The following PC variants were observed in gnomAD, a reference collection of about 807,000 sequenced individuals.
The protein encoded by PC is pyruvate carboxylase, mitochondrial.
PC carries 46 observed loss-of-function variants against 107.8 expected under a neutral mutation model. The observed-to-expected ratio is 0.43, with a 90% CI of 0.34 to 0.55. PC has a LOEUF of 0.55. Ranked by LOEUF, PC falls within the 20% of genes least tolerant of loss-of-function variation. The pLI, the probability that PC is intolerant of heterozygous loss-of-function variation, is 0.04. For missense variants in PC, 1,241 were observed against 1,643.1 expected (o/e 0.76, Z 4.23); for synonymous variants, 662 against 684.7 (o/e 0.97, Z 0.52).
chr11:66,927,662 G>A (rs1318547378), intron 3 of PC, among the ~76,000 whole-genome samples: 2 of 151,634 alleles, frequency 1.3e-5, no homozygotes, highest in African/African-American at 2.4e-5. Context: ...GGCAGTGGTT[G>A]CAGTGAGCTG....
At chr11:66,946,847 T>C (rs1478020458) in intron 3 of PC, among the ~76,000 whole-genome samples, 1 of 152,118 alleles carries the variant, frequency 6.6e-6, no homozygotes, top group Non-Finnish European at 1.5e-5. Flanking sequence ...CATAGAAATT[T>C]TACTAAGTTT....
In PC at chr11:66,849,698, G is replaced by A. The variant is rs1439546768; in HGVS notation, c.3060C>T (p.Phe1020=). The change falls in exon 21 of 23, where the codon TTC becomes TTT. Residue 1020 remains phenylalanine, a synonymous_variant. Coordinates refer to ENST00000393960, the MANE Select transcript of PC (RefSeq NM_001040716.2). Reference sequence around the variant, plus strand: ...GGCCAAAGGTGGCAGTGAAGTCCTTGAAGTGGGCAAACACATCGGGGTACA... The same window carrying A: ...GGCCAAAGGTGGCAGTGAAGTCCTTAAAGTGGGCAAACACATCGGGGTACA... The part of the protein sequence containing the change: ...AAMYPDVFAH[F]KDFTATFGPL... 6.2e-7 allele frequency: 1 copy of A among 1,614,208 alleles called. No individual in the cohort carries two copies.
intron 3 of PC, among the ~76,000 whole-genome samples, chr11:66,877,566 T>C (rs1370964301): frequency 6.6e-6 from 1 of 152,222 alleles, no homozygotes; most frequent in African/African-American, 2.4e-5. Context: ...TGGCGGGTTA[T>C]GCCCCTGAGC....
intron 3 of PC, among the ~76,000 whole-genome samples, chr11:66,948,614 C>A (rs1467842021): frequency 6.6e-6 from 1 of 152,156 alleles, no homozygotes; most frequent in East Asian, 1.9e-4. Flanking sequence ...CCAAGGCGGG[C>A]TGATTGCTTG....
intron 12 of PC, among the ~76,000 whole-genome samples, chr11:66,855,762 C>A (rs917003525): frequency 1.3e-5 from 2 of 152,326 alleles, no homozygotes; most frequent in Non-Finnish European, 2.9e-5. Context: ...AAGCCCCTCA[C>A]AAGCTGCAGC....
At chr11:66,938,232 T>C (rs1021692790) in intron 3 of PC, among the ~76,000 whole-genome samples, 3 of 152,196 alleles carry the variant, frequency 2.0e-5, no homozygotes, top group Admixed American at 1.3e-4. Flanking sequence ...AACTTTTTTC[T>C]GCGATTTTTC....
At chr11:66,861,165 T>G (rs1366473118) in intron 12 of PC, among the ~76,000 whole-genome samples, 2 of 152,150 alleles carry the variant, frequency 1.3e-5, no homozygotes, top group Non-Finnish European at 2.9e-5. Context: ...GGCAGCCGGA[T>G]GGGCACGAGC....
rs561429835 is a variant in PC, at chr11:66,913,197, T to A, written c.-1+39233A>T. ...CCTGGGGACACACAATAGGCCCTTA[T>A]GCTCTTTTCTGGTTCAGGCGCAGAG... On this transcript the variant is annotated intron_variant, in intron 3 of 22. Transcript: ENST00000393960. 1.6e-4 allele frequency among the ~76,000 whole-genome samples: 24 copies of A among 151,874 alleles called. No homozygotes were observed. The South Asian group carries it at 4.6e-3, about 29-fold the overall frequency.
intron 12 of PC, chr11:66,859,661 C>A: frequency 6.2e-7 from 1 of 1,613,106 alleles, no homozygotes; most frequent in East Asian, 2.2e-5. Flanking sequence ...CCAGCCACCA[C>A]TTCCTGCTGA....
rs1947753718 is a variant in PC at position 66,896,165 on chromosome 11, C to T, written c.1-24006G>A. 3.3e-5 allele frequency among the ~76,000 whole-genome samples: 5 copies of T among 152,162 alleles called. No individual in the cohort carries two copies. The South Asian group carries it at 1.0e-3, about 32-fold the overall frequency. On this transcript the variant is annotated intron_variant, in intron 3 of 22. Transcript: ENST00000393960. ...CACAATCTCAGCTCACTGCAACCTC[C>T]ACCTCTTGGGTTCAAGCAATCCTCT...
intron 3 of PC, among the ~76,000 whole-genome samples, chr11:66,951,520 C>T (rs1347810911): frequency 6.6e-6 from 1 of 152,136 alleles, no homozygotes; most frequent in Non-Finnish European, 1.5e-5. Context: ...TCTGGGGAGG[C>T]CGAAGAGGGC....
chr11:66,926,390 T>C lies in PC; in HGVS notation c.-1+26040A>G, dbSNP rs868229611. Among the ~76,000 whole-genome samples, 122 of 152,300 alleles carry C rather than the reference T, an allele frequency of 8.0e-4. 1 individual carries two copies. The highest frequency in any genetic ancestry group is 2.7e-3 in the African/African-American group (114 of 41,554). Reference sequence around the variant, plus strand: ...TACTTCTTAAGTGCTTGGCATCACATAGGAAGCAGAATTTTTTAAAAAGCT... The same window carrying C: ...TACTTCTTAAGTGCTTGGCATCACACAGGAAGCAGAATTTTTTAAAAAGCT... On this transcript the variant is annotated intron_variant, in intron 3 of 22. Coordinates refer to ENST00000393960, the MANE Select transcript of PC (RefSeq NM_001040716.2).
chr11:66,924,712 T>C (rs556921036), intron 3 of PC, among the ~76,000 whole-genome samples: 6 of 152,204 alleles, frequency 3.9e-5, no homozygotes, highest in Non-Finnish European at 8.8e-5. Context: ...CCACCCATCT[T>C]AGCCTTCCAA....
Position 66,872,103 on chromosome 11 carries a change from G to T in PC, c.57C>A (p.Thr19=). The part of the protein sequence containing the change: ...GGLRLLGIRR[T]STAPAASPNV... Reference sequence around the variant, plus strand: ...TTGGGGAGGCAGCGGGGGCGGTGGAGGTTCGGCGGATTCCCAGGAGCCTCA... The same window carrying T: ...TTGGGGAGGCAGCGGGGGCGGTGGATGTTCGGCGGATTCCCAGGAGCCTCA... The change falls in exon 4 of 23, where the codon ACC becomes ACA. Residue 19 remains threonine, a synonymous_variant. Transcript: ENST00000393960. 1 of 1,573,280 alleles carries T rather than the reference G, an allele frequency of 6.4e-7. No homozygotes were observed. Among genetic ancestry groups the T allele is most frequent in the East Asian group, 2.4e-5 (1 of 42,312 alleles).
chr11:66,860,125 G>C, intron 12 of PC: 1 of 1,550,678 alleles, frequency 6.4e-7, no homozygotes, highest in Non-Finnish European at 8.7e-7. Flanking sequence ...TCTGTGCATG[G>C]GGGGCTGCTC....
chr11:66,922,444 C>A (rs7932004), intron 3 of PC, among the ~76,000 whole-genome samples: 47,905 of 150,364 alleles, frequency 0.32, 8,133 homozygotes, highest in South Asian at 0.59. Context: ...CGTGGTGGTG[C>A]GCGCCTGTAA....
chr11:66,909,245 CTGCTGGTGTGG>C (rs1468880510), intron 3 of PC, among the ~76,000 whole-genome samples: 1 of 152,206 alleles, frequency 6.6e-6, no homozygotes, highest in Non-Finnish European at 1.5e-5. Flanking sequence ...GGCTGGTGTG[CTGCTGGTGTGG>C]GGCCAGAGCT....
intron 3 of PC, among the ~76,000 whole-genome samples, chr11:66,885,059 C>T (rs892606384): frequency 6.6e-6 from 1 of 152,202 alleles, no homozygotes; most frequent in Non-Finnish European, 1.5e-5. Context: ...TAGAGAGGGC[C>T]TCCCAGAGGC....
intron 3 of PC, among the ~76,000 whole-genome samples, chr11:66,907,066 C>T (rs923866928): frequency 6.6e-6 from 1 of 152,194 alleles, no homozygotes; most frequent in African/African-American, 2.4e-5. Context: ...ACACGAAGGG[C>T]CGGCTGGTGC....
Sources: gnomAD v4.1 joint callset for allele counts (sites outside exome capture counted in the v4.1 genomes callset) on GRCh38, gnomAD v4.1.1 for gene constraint, MANE v1.5 for transcripts, NCBI Gene and HGNC (gene_info 2026-07-23, HGNC 2026-07-21) for gene names.